The following TUBGCP3 variants were observed in gnomAD, a reference collection of about 807,000 sequenced individuals.
TUBGCP3 encodes tubulin gamma complex component 3.
Under a neutral mutation model 123.1 loss-of-function variants are expected in TUBGCP3, and 50 were observed. That is an observed-to-expected ratio of 0.41 (90% confidence interval 0.32 to 0.51). The LOEUF (loss-of-function observed/expected upper bound fraction) is 0.51, where lower values mean the gene tolerates loss of function less well. TUBGCP3 is among the 20% of genes least tolerant of loss of function. The pLI, the probability that TUBGCP3 is intolerant of heterozygous loss-of-function variation, is 0.36. For missense variants in TUBGCP3, 882 were observed against 1,127.0 expected, an observed-to-expected ratio of 0.78 and a Z score of 3.11; for synonymous variants, 405 against 413.9, an observed-to-expected ratio of 0.98 and a Z score of 0.26.
chr13:112,523,500 T>C (rs1277618505), intron 13 of TUBGCP3, among the ~76,000 whole-genome samples: 2 of 152,214 alleles, frequency 1.3e-5, no homozygotes, highest in African/African-American at 4.8e-5. Flanking sequence ...TATCTGAGGA[T>C]GAGTGAGGTC....
At position 112,491,093 on chromosome 13, in the gene TUBGCP3, C is replaced by A. The variant is rs1880067162; in HGVS notation, c.2449-1396G>T. Among the ~76,000 whole-genome samples the A allele has an allele frequency of 2.0e-5, 3 of 152,326 alleles. No individual in the cohort carries two copies. In the South Asian group the frequency reaches 6.2e-4, roughly 32 times the overall value. ...CTTAATTTCCCTCCACTCCTTGGCC[C>A]CCCAAAAGGCCCAGCTCTTGGACTT... On this transcript the variant is annotated intron_variant, in intron 20 of 21. Transcript: ENST00000261965.
chr13:112,568,328 A>C (rs1291357071), intron 2 of TUBGCP3, among the ~76,000 whole-genome samples: 1 of 151,270 alleles, frequency 6.6e-6, no homozygotes, highest in African/African-American at 2.4e-5. Context: ...GGTTTCTAGA[A>C]GGTGTTACTA....
intron 1 of TUBGCP3, among the ~76,000 whole-genome samples, chr13:112,582,869 C>T (rs1420016702): frequency 1.3e-5 from 2 of 152,132 alleles, no homozygotes; most frequent in Non-Finnish European, 2.9e-5. Flanking sequence ...CACTGCCTGA[C>T]CAGAGAGCAG....
chr13:112,598,071 C>T, the TUBGCP3 span, among the ~76,000 whole-genome samples: 1 of 152,132 alleles, frequency 6.6e-6, no homozygotes, highest in African/African-American at 2.4e-5. Flanking sequence ...AAGAGGTTAT[C>T]GTCAAAGGCG....
upstream of TUBGCP3, chr13:112,588,213 A>G (rs1257331539): frequency 5.2e-6 from 2 of 386,492 alleles, no homozygotes; most frequent in Non-Finnish European, 9.3e-6. Context: ...GCGGCTGCCT[A>G]AGCGTTCCCG....
chr13:112,509,216 T>C (rs1434456135), intron 17 of TUBGCP3, among the ~76,000 whole-genome samples: 1 of 152,210 alleles, frequency 6.6e-6, no homozygotes, highest in Non-Finnish European at 1.5e-5. Context: ...AGATGCCTCA[T>C]TTAAACATTC....
At chr13:112,552,756 C>T (rs1030000669) in intron 8 of TUBGCP3, among the ~76,000 whole-genome samples, 1 of 151,440 alleles carries the variant, frequency 6.6e-6, no homozygotes, top group East Asian at 1.9e-4. Flanking sequence ...ACACTCCTCC[C>T]CACCAGCCAC....
At chr13:112,534,541 C>T (rs1416088071) in intron 11 of TUBGCP3, among the ~76,000 whole-genome samples, 1 of 152,074 alleles carries the variant, frequency 6.6e-6, no homozygotes, top group Non-Finnish European at 1.5e-5. Context: ...AGGGAAACTC[C>T]GTCTCAAAAA....
At chr13:112,548,559 T>C (rs1310163797) in intron 8 of TUBGCP3, among the ~76,000 whole-genome samples, 3 of 152,174 alleles carry the variant, frequency 2.0e-5, no homozygotes, top group Non-Finnish European at 4.4e-5. Flanking sequence ...ACCTGCAGAA[T>C]GGGAGAAAAT....
At chr13:112,568,653 C>T (rs1881167571) in intron 2 of TUBGCP3, among the ~76,000 whole-genome samples, 1 of 152,268 alleles carries the variant, frequency 6.6e-6, no homozygotes. Flanking sequence ...GGGAAATGCA[C>T]TGACCTTCGC....
intron 8 of TUBGCP3, among the ~76,000 whole-genome samples, chr13:112,551,697 A>C (rs1325111613): frequency 1.3e-5 from 2 of 152,182 alleles, no homozygotes; most frequent in Non-Finnish European, 2.9e-5. Context: ...CAATTCTCAC[A>C]TCTGCAAAAT....
At chr13:112,530,048 CT>C (rs372418898) in intron 11 of TUBGCP3, among the ~76,000 whole-genome samples, 165 of 152,300 alleles carry the variant, frequency 1.1e-3, no homozygotes, top group African/African-American at 3.6e-3. Flanking sequence ...GTTACTAACA[CT>C]TTTTAAGACA....
At position 112,487,053 on chromosome 13, in the gene TUBGCP3, ATGTG is replaced by A. The variant is rs10522089; in HGVS notation, c.2566-906_2566-903del. ...ACCTCTGAGCAGGCAAACACTGTGT[ATGTG>A]TGTGTGTGTGTGTGTGTGTGTGTGT... On this transcript the variant is annotated intron_variant, in intron 21 of 21. Transcript: ENST00000261965. Among the ~76,000 whole-genome samples the A allele has an allele frequency of 3.1e-3, 454 of 147,498 alleles. 1 individual carries two copies. The highest frequency in any genetic ancestry group is 0.01 in the African/African-American group (410 of 40,056).
At chr13:112,558,456 G>A in intron 4 of TUBGCP3, 43 bp from the exon 5 acceptor site, 1 of 1,464,744 alleles carries the variant, frequency 6.8e-7, no homozygotes. Context: ...GGAAATTACA[G>A]AACAGTCTTC....
At chr13:112,553,087 G>A (rs535495266) in intron 8 of TUBGCP3, among the ~76,000 whole-genome samples, 13 of 151,166 alleles carry the variant, frequency 8.6e-5, no homozygotes, top group African/African-American at 3.2e-4. Flanking sequence ...TTACCCACCA[G>A]CCATGCTCCT....
chr13:112,592,017 C>T (rs567938933), upstream of TUBGCP3, among the ~76,000 whole-genome samples: 13 of 152,296 alleles, frequency 8.5e-5, no homozygotes, highest in African/African-American at 2.6e-4. This position sits in a 1 kb window ranked among gnomAD's most constrained non-coding sequence, Gnocchi z 4.1. Flanking sequence ...CATTGTGTTA[C>T]AGAGTCCTGG....
intron 1 of TUBGCP3, among the ~76,000 whole-genome samples, chr13:112,573,848 A>C (rs1594222936): frequency 6.6e-6 from 1 of 152,222 alleles, no homozygotes; most frequent in Non-Finnish European, 1.5e-5. Flanking sequence ...CCCGGGATGC[A>C]GAGGAGCAGC....
intron 13 of TUBGCP3, among the ~76,000 whole-genome samples, chr13:112,523,388 G>A (rs558049016): frequency 4.6e-5 from 7 of 152,260 alleles, no homozygotes; most frequent in South Asian, 2.1e-4. Context: ...TTGTCCTTCC[G>A]AATAAGAAAG....
chr13:112,543,106 C>T (rs1878664496), intron 11 of TUBGCP3, among the ~76,000 whole-genome samples: 1 of 152,074 alleles, frequency 6.6e-6, no homozygotes, highest in Admixed American at 6.6e-5. Flanking sequence ...GCTGAGATCG[C>T]GCCACTGCAC....
Sources: gnomAD v4.1 joint callset for allele counts (sites outside exome capture counted in the v4.1 genomes callset) on GRCh38, gnomAD v4.1.1 for gene constraint, Gnocchi (gnomAD v3.1) non-coding constraint, MANE v1.5 for transcripts, NCBI Gene and HGNC (gene_info 2026-07-23, HGNC 2026-07-21) for gene names.